STARD13: variants seen among roughly 807,000 people sequenced by gnomAD.
The protein encoded by STARD13 is stAR-related lipid transfer protein 13.
STARD13 carries 62 observed loss-of-function variants against 106.4 expected under a neutral mutation model. That is an observed-to-expected ratio of 0.58 (90% CI 0.48 to 0.72). The LOEUF is 0.72. Among genes scored for constraint, STARD13 ranks in the 30% least tolerant of loss-of-function variants. The pLI is 0.00. For synonymous variants in STARD13, 565 were observed against 553.0 expected (o/e 1.02, Z -0.31); for missense variants, 1,387 against 1,424.0 (o/e 0.97, Z 0.42).
intron 1 of STARD13, chr13:33,277,681 C>G (rs140498144): frequency 1.4e-4 from 22 of 152,292 alleles, no homozygotes; most frequent in African/African-American, 5.3e-4. Context: ...TCACCCAGGA[C>G]TTCAACTACA....
At chr13:33,456,692 A>G in the STARD13 span, among the ~76,000 whole-genome samples, 2,240 of 152,188 alleles carry the variant, frequency 0.015, 61 homozygotes, top group African/African-American at 0.048. Context: ...GCCCTTATGA[A>G]TGGGATCGGT....
rs1566038621 is a variant in STARD13, at chr13:33,163,645, T to TATATATATAAAACATATATATATAAC, written c.323+1666_323+1691dup. 1.1e-3 allele frequency among the ~76,000 whole-genome samples: 68 copies of TATATATATAAAACATATATATATAAC among 63,960 alleles called. 1 individual carries two copies. Among genetic ancestry groups the TATATATATAAAACATATATATATAAC allele is most frequent in the Non-Finnish European group, 2.3e-3 (48 of 20,804 alleles). 42.0% of individuals were successfully genotyped at this position (63,960 alleles called of 152,430 possible). A position where few individuals can be genotyped will look rare whatever the true frequency, so the allele number is the denominator to read the frequency against. ...ATATAAAACATATATATATAACATA[T>TATATATATAAAACATATATATATAAC]ATATATATAAAACATATATATATAA... On this transcript the variant is annotated intron_variant, in intron 3 of 13. Coordinates refer to ENST00000336934, the MANE Select transcript of STARD13 (RefSeq NM_178006.4).
Position 33,112,876 on chromosome 13 carries a change from G to A in STARD13, c.2337C>T (p.Ala779=), listed in dbSNP as rs762437581. 1.9e-5 allele frequency: 30 copies of A among 1,613,590 alleles called. No homozygotes were observed. In the East Asian group the frequency reaches 3.3e-4, roughly 18 times the overall value. ...QAVQAAILLL[A]DENREVLQTL... is the part of the protein sequence containing the mutation. ...TCTGCAGGACCTCCCTGTTCTCATC[G>A]GCCAGTAGCAGGATGGCAGCCTGCA... The change falls in exon 9 of 14, where the codon GCC becomes GCT. Residue 779 remains alanine, a synonymous_variant. Transcript: ENST00000336934.
At chr13:33,468,945 C>A in the STARD13 span, among the ~76,000 whole-genome samples, 3 of 151,988 alleles carry the variant, frequency 2.0e-5, no homozygotes, top group Non-Finnish European at 4.4e-5. Context: ...GAAGGTAGCA[C>A]CATTAGAAAA....
At chr13:33,464,958 A>T in the STARD13 span, among the ~76,000 whole-genome samples, 2 of 152,126 alleles carry the variant, frequency 1.3e-5, no homozygotes, top group African/African-American at 4.8e-5. Context: ...TTAAAACCTT[A>T]GGTTTTTCCC....
intron 1 of STARD13, among the ~76,000 whole-genome samples, chr13:33,254,732 T>C (rs562285779): frequency 6.6e-6 from 1 of 152,264 alleles, no homozygotes; most frequent in Non-Finnish European, 1.5e-5. Context: ...GATGTCTGAA[T>C]GCTGAGATGA....
chr13:33,537,142 G>A, the STARD13 span, among the ~76,000 whole-genome samples: 15,735 of 152,162 alleles, frequency 0.1, 888 homozygotes, highest in Admixed American at 0.16. Flanking sequence ...TCTGAGCACG[G>A]CTTTCAATAA....
the STARD13 span, among the ~76,000 whole-genome samples, chr13:33,468,477 T>C: frequency 6.6e-6 from 1 of 152,182 alleles, no homozygotes; most frequent in Non-Finnish European, 1.5e-5. Context: ...TGGGGACATT[T>C]CTCTCATGGG....
chr13:33,125,565 T>A (rs1021835719), intron 7 of STARD13, among the ~76,000 whole-genome samples: 4 of 152,212 alleles, frequency 2.6e-5, no homozygotes. Flanking sequence ...TAGCTGATAC[T>A]TTTGTTCATA....
the STARD13 span, among the ~76,000 whole-genome samples, chr13:33,509,583 G>A: frequency 4.7e-4 from 71 of 152,326 alleles, no homozygotes; most frequent in African/African-American, 1.7e-3. Context: ...TGGCTAGGGA[G>A]AGGGGTAGAG....
chr13:33,673,282 A>T, the STARD13 span, among the ~76,000 whole-genome samples: 11 of 152,104 alleles, frequency 7.2e-5, no homozygotes, highest in African/African-American at 2.4e-4. Flanking sequence ...TTTTACTATT[A>T]TTTAAAAATC....
At chr13:33,613,072 C>A in the STARD13 span, among the ~76,000 whole-genome samples, 1 of 152,178 alleles carries the variant, frequency 6.6e-6, no homozygotes, top group Non-Finnish European at 1.5e-5. Flanking sequence ...ATGTGCTCTG[C>A]TGCATCCTGG....
chr13:33,143,065 A>G (rs1180453342), intron 3 of STARD13, among the ~76,000 whole-genome samples: 2 of 152,338 alleles, frequency 1.3e-5, no homozygotes, highest in South Asian at 2.1e-4. Context: ...AGACATCTAC[A>G]GGTCACAGGA....
At chr13:33,582,605 A>G in the STARD13 span, among the ~76,000 whole-genome samples, 1 of 152,182 alleles carries the variant, frequency 6.6e-6, no homozygotes, top group Non-Finnish European at 1.5e-5. Flanking sequence ...TCATCACATC[A>G]TTTATTTTTG....
the STARD13 span, among the ~76,000 whole-genome samples, chr13:33,458,669 A>T: frequency 6.6e-6 from 1 of 152,076 alleles, no homozygotes; most frequent in Non-Finnish European, 1.5e-5. Flanking sequence ...CCTGTTGGGA[A>T]ACAAATTATA....
chr13:33,524,111 T>C, the STARD13 span: 2 of 352,462 alleles, frequency 5.7e-6, no homozygotes, highest in Non-Finnish European at 8.4e-6. Context: ...AATGTTAAGT[T>C]TGAAAAAACA....
intron 1 of STARD13, among the ~76,000 whole-genome samples, chr13:33,349,970 G>A (rs1164696864): frequency 6.6e-6 from 1 of 152,218 alleles, no homozygotes; most frequent in East Asian, 1.9e-4. Flanking sequence ...TGGCAGCGGA[G>A]CAGGGGACAG....
At chr13:33,183,456 GCTCT>G (rs1885439800) in intron 1 of STARD13, among the ~76,000 whole-genome samples, 2 of 152,196 alleles carry the variant, frequency 1.3e-5, no homozygotes, top group Non-Finnish European at 2.9e-5. Flanking sequence ...AAGCTCTCCT[GCTCT>G]CTTTTTTCTC....
the STARD13 span, among the ~76,000 whole-genome samples, chr13:33,395,103 T>C: frequency 6.6e-6 from 1 of 152,196 alleles, no homozygotes; most frequent in Non-Finnish European, 1.5e-5. Context: ...AATTAACACA[T>C]GGGTGGGCAG....
Sources: allele counts gnomAD v4.1 joint callset (sites outside exome capture counted in the v4.1 genomes callset), GRCh38; gene constraint gnomAD v4.1.1; transcripts MANE v1.5; gene names NCBI Gene and HGNC (gene_info 2026-07-23, HGNC 2026-07-21).